Variants in KIFC3 observed in about 807,000 individuals in gnomAD.
KIFC3 encodes the protein kinesin-like protein KIFC3.
In KIFC3, 60 loss-of-function variants were observed where a neutral mutation model predicts 101.8. The ratio of observed to expected loss-of-function variants is 0.59; its 90% CI spans 0.48 to 0.73. The LOEUF (loss-of-function observed/expected upper bound fraction) is 0.73. KIFC3 is among the 30% of genes least tolerant of loss of function. The pLI is 0.00. For synonymous variants in KIFC3, 476 were observed against 482.7 expected, an observed-to-expected ratio of 0.99 and a Z score of 0.18; for missense variants, 966 against 1,137.1, an observed-to-expected ratio of 0.85 and a Z score of 2.16.
chr16:57,785,616 C>T, intron 3 of KIFC3: 1 of 1,269,678 alleles, frequency 7.9e-7, no homozygotes, highest in Non-Finnish European at 1.0e-6. Flanking sequence ...GGGGCCGCAC[C>T]TGGTGGCCCC....
intron 1 of KIFC3, among the ~76,000 whole-genome samples, chr16:57,820,441 A>G (rs1291829583): frequency 6.6e-6 from 1 of 151,834 alleles, no homozygotes; most frequent in Non-Finnish European, 1.5e-5. Context: ...CACTCGGCTA[A>G]TTTTTTTATT....
At chr16:57,790,380 CTTTTTTTT>C (rs200519923) in intron 3 of KIFC3, among the ~76,000 whole-genome samples, 1 of 129,198 alleles carries the variant, frequency 7.7e-6, no homozygotes, top group Admixed American at 8.2e-5. Flanking sequence ...CCATGCCCAG[CTTTTTTTT>C]TTTTTTTTTT....
At chr16:57,782,790 C>G (rs148876349) in intron 3 of KIFC3, among the ~76,000 whole-genome samples, 28 of 152,292 alleles carry the variant, frequency 1.8e-4, no homozygotes, top group African/African-American at 6.7e-4. Flanking sequence ...CTGAAAAATA[C>G]AAACAATTAG....
Position 57,781,121 on chromosome 16 carries a change from G to A in KIFC3, c.316-8833C>T, listed in dbSNP as rs543917512. Among the ~76,000 whole-genome samples, 22 of 152,242 alleles carry A rather than the reference G, an allele frequency of 1.4e-4. 1 individual carries two copies. In the Middle Eastern group the frequency reaches 0.01, roughly 71 times the overall value. On this transcript the variant is annotated intron_variant, in intron 3 of 19. Transcript: ENST00000445690. The stretch of plus-strand genomic sequence containing the variant: ...TCTCTTGAGCCCAGGAGTTTGAGAC[G>A]TGCCTGGGCAATATAGCAAGACTCC...
At chr16:57,823,609 A>G (rs2055396611) in intron 1 of KIFC3, among the ~76,000 whole-genome samples, 1 of 152,152 alleles carries the variant, frequency 6.6e-6, no homozygotes, top group South Asian at 2.1e-4. Flanking sequence ...AAACAATTTC[A>G]GAGGCAAGAG....
Position 57,798,297 on chromosome 16 carries a change from A to AG in KIFC3, c.-39-16dup. The stretch of plus-strand genomic sequence containing the variant: ...CACCAGGCAGCCTGCGGAGAGAACA[A>AG]GGGGAGATAAGCTTGAAGACCGTGG... On this transcript the variant is annotated splice_polypyrimidine_tract_variant and intron_variant, in intron 1 of 19. Coordinates refer to ENST00000445690, the MANE Select transcript of KIFC3 (RefSeq NM_001130100.2). 1.3e-5 allele frequency: 20 copies of AG among 1,543,328 alleles called. No homozygotes were observed. Among genetic ancestry groups the AG allele is most frequent in the Non-Finnish European group, 1.6e-5 (18 of 1,145,714 alleles).
At chr16:57,767,502 G>A (rs1555604013) in intron 9 of KIFC3, among the ~76,000 whole-genome samples, 1 of 152,138 alleles carries the variant, frequency 6.6e-6, no homozygotes, top group African/African-American at 2.4e-5. Flanking sequence ...TCCCCTTTCT[G>A]GAGTAGAAGG....
At chr16:57,802,926 T>A, upstream of KIFC3, 2 of 1,506,164 alleles carry the variant, frequency 1.3e-6, no homozygotes, top group South Asian at 2.4e-5. The surrounding 1 kb of genome is among the most constrained non-coding windows in gnomAD (Gnocchi z 5.0). Context: ...AGTACGTGTC[T>A]TCCCATCCCA....
chr16:57,797,896 C>G, intron 2 of KIFC3, 176 bp downstream of exon 2: 1 of 1,477,372 alleles, frequency 6.8e-7, no homozygotes, highest in Non-Finnish European at 9.0e-7. Context: ...AGGGAAGGAG[C>G]GCCCGGCGAG....
At chr16:57,810,119 A>G (rs1258124803) in intron 1 of KIFC3, among the ~76,000 whole-genome samples, 6 of 152,086 alleles carry the variant, frequency 3.9e-5, no homozygotes, top group African/African-American at 9.7e-5. Flanking sequence ...TGGTGCCACC[A>G]CCATGATTCC....
In KIFC3 at chr16:57,798,127, T is replaced by C. The variant is rs1555623859; in HGVS notation, c.117A>G (p.Pro39=). Reference sequence around the variant, plus strand: ...GGAAAGGGCGGGCGGCCGGGCTGGCTGGGGCTGGGGCGGGGCGAGCCATCC... The same window carrying C: ...GGAAAGGGCGGGCGGCCGGGCTGGCCGGGGCTGGGGCGGGGCGAGCCATCC... The part of the protein sequence containing the change: ...EPGMARPAPA[P]ASPAARPFPH... Residue 39 remains proline, a synonymous_variant, in exon 2 of 20, where the codon CCA becomes CCG. Coordinates refer to ENST00000445690, the MANE Select transcript of KIFC3 (RefSeq NM_001130100.2). 14 of 1,563,642 alleles carry C rather than the reference T, an allele frequency of 9.0e-6. No individual in the cohort carries two copies. Among genetic ancestry groups the C allele is most frequent in the Non-Finnish European group, 1.2e-5 (14 of 1,154,826 alleles).
At chr16:57,844,988 C>T (rs966524432) in intron 1 of KIFC3, among the ~76,000 whole-genome samples, 7 of 152,180 alleles carry the variant, frequency 4.6e-5, no homozygotes, top group East Asian at 1.9e-4. Flanking sequence ...TTAGCCAGTG[C>T]GTCTCCTCTG....
intron 1 of KIFC3, among the ~76,000 whole-genome samples, chr16:57,860,018 T>C (rs1423572969): frequency 4.3e-5 from 3 of 70,126 alleles, no homozygotes; most frequent in Admixed American, 1.4e-4. Flanking sequence ...TGAGACTCTG[T>C]CTCAAAAATA....
chr16:57,774,844 AAAG>A, intron 3 of KIFC3: 2 of 1,354,750 alleles, frequency 1.5e-6, no homozygotes, highest in Non-Finnish European at 1.9e-6. Flanking sequence ...TTTCAGTCTC[AAAG>A]AATACGTAAT....
chr16:57,794,113 A>T (rs944770380), intron 3 of KIFC3, among the ~76,000 whole-genome samples: 13 of 152,210 alleles, frequency 8.5e-5, no homozygotes, highest in African/African-American at 2.4e-4. Context: ...GACTAACATG[A>T]GATCTTTTAA....
At chr16:57,770,726 G>A (rs376046291) in intron 6 of KIFC3, 26 bp from the exon 7 acceptor site, 10 of 1,417,480 alleles carry the variant, frequency 7.1e-6, no homozygotes, top group Middle Eastern at 1.8e-4. Context: ...GGAATGGCAC[G>A]TGGAGCCAGC....
chr16:57,765,392 C>G (rs781894283), intron 11 of KIFC3, 67 bp downstream of exon 11: 44 of 1,480,446 alleles, frequency 3.0e-5, no homozygotes, highest in Non-Finnish European at 3.7e-5. Context: ...CCAGCGCCCC[C>G]GCTCCCTGTG....
intron 3 of KIFC3, chr16:57,782,030 AC>A: frequency 4.1e-6 from 4 of 985,396 alleles, no homozygotes; most frequent in South Asian, 9.4e-5. Flanking sequence ...GGCAGAGTGT[AC>A]CCCCTGGCGG....
At chr16:57,774,910 GA>G in intron 3 of KIFC3, 1 of 1,448,188 alleles carries the variant, frequency 6.9e-7, no homozygotes, top group Non-Finnish European at 9.1e-7. Context: ...TCAAAAGGTT[GA>G]AGTCTCCTTC....
Sources: gnomAD v4.1 joint callset for allele counts (sites outside exome capture counted in the v4.1 genomes callset) on GRCh38, gnomAD v4.1.1 for gene constraint, Gnocchi (gnomAD v3.1) non-coding constraint, MANE v1.5 for transcripts, NCBI Gene and HGNC (gene_info 2026-07-23, HGNC 2026-07-21) for gene names.